Variants in DENND11 observed in about 807,000 individuals in gnomAD.
DENND11 encodes DENN domain-containing protein 11.
In DENND11, 34 loss-of-function variants were observed where a neutral mutation model predicts 49.2. That is an observed-to-expected ratio of 0.69 (90% CI 0.53 to 0.92). The LOEUF (loss-of-function observed/expected upper bound fraction) is 0.92. Ranked by LOEUF, DENND11 falls within the 40% of genes least tolerant of loss-of-function variation. DENND11 has a pLI of 0.00. For missense variants in DENND11, 475 were observed against 581.6 expected, an observed-to-expected ratio of 0.82 and a Z score of 1.88; for synonymous variants, 238 against 230.3, an observed-to-expected ratio of 1.03 and a Z score of -0.30.
intron 1 of DENND11, among the ~76,000 whole-genome samples, chr7:141,699,234 G>C (rs879893982): frequency 6.6e-6 from 1 of 152,048 alleles, no homozygotes; most frequent in African/African-American, 2.4e-5. Context: ...AGCAGTAAAG[G>C]GGGGAAGATG....
At position 141,664,969 on chromosome 7, in the gene DENND11, G is replaced by T; in HGVS notation, c.1038C>A (p.His346Gln). The T allele has an allele frequency of 6.2e-7, 1 of 1,613,796 alleles. No homozygotes were observed. The highest frequency in any genetic ancestry group is 8.5e-7 in the Non-Finnish European group (1 of 1,179,832). The change falls in exon 7 of 9, where the codon CAC (histidine) becomes CAA (glutamine). Residue 346 changes from histidine (H) to glutamine (Q), a missense_variant. Physicochemically the swap from His to Gln is conservative, Grantham distance 24. Transcript: ENST00000536163. ...DNQNVKTHHD[H>Q]LQPLLKINSA... is the part of the protein sequence containing the mutation. ...TGTTGATCTTCAGCAGCGGCTGCAG[G>T]TGGTCGTGGTGTGTCTTCACATTCT...
intron 5 of DENND11, among the ~76,000 whole-genome samples, chr7:141,665,530 A>G (rs571691854): frequency 6.6e-6 from 1 of 152,164 alleles, no homozygotes; most frequent in East Asian, 1.9e-4. Flanking sequence ...GTGCTTCCCA[A>G]ACCCAATAAA....
At chr7:141,677,144 G>C (rs1365777601) in intron 3 of DENND11, among the ~76,000 whole-genome samples, 1 of 152,074 alleles carries the variant, frequency 6.6e-6, no homozygotes, top group East Asian at 1.9e-4. Context: ...GGTCTGAACA[G>C]GCCGGGCGTG....
At chr7:141,662,890 G>T (rs1179338533) in intron 8 of DENND11, 39 bp from the exon 9 acceptor site, 27 of 1,449,370 alleles carry the variant, frequency 1.9e-5, no homozygotes, top group Non-Finnish European at 2.4e-5. Context: ...GGAAGCGGGG[G>T]GGAATAAAAA....
chr7:141,699,645 C>G (rs1430780712), intron 1 of DENND11, among the ~76,000 whole-genome samples: 1 of 152,150 alleles, frequency 6.6e-6, no homozygotes, highest in African/African-American at 2.4e-5. Context: ...AAGTAAGGAT[C>G]AGGTGCCAGG....
chr7:141,698,144 G>T (rs1036772804), intron 1 of DENND11, among the ~76,000 whole-genome samples: 1 of 152,314 alleles, frequency 6.6e-6, no homozygotes, highest in Admixed American at 6.5e-5. Flanking sequence ...TCCAGACATT[G>T]TATGTTCAAA....
At chr7:141,673,932 C>A in intron 4 of DENND11, 135 bp downstream of exon 4, 7 of 1,094,936 alleles carry the variant, frequency 6.4e-6, no homozygotes, top group Non-Finnish European at 9.0e-6. Flanking sequence ...GCTTATGTTG[C>A]AACTCTGTTC....
chr7:141,666,883 G>GC (rs1209227810), intron 4 of DENND11, among the ~76,000 whole-genome samples: 4 of 152,122 alleles, frequency 2.6e-5, no homozygotes, highest in Non-Finnish European at 4.4e-5. Context: ...GTAGGAAGGA[G>GC]CCCCTGGCAT....
chr7:141,668,138 T>C (rs1308094594), intron 4 of DENND11, among the ~76,000 whole-genome samples: 1 of 152,210 alleles, frequency 6.6e-6, no homozygotes, highest in African/African-American at 2.4e-5. Flanking sequence ...GTATATTTTA[T>C]AGGCTAGTGG....
intron 1 of DENND11, among the ~76,000 whole-genome samples, chr7:141,689,205 A>G (rs1798288270): frequency 6.6e-6 from 1 of 152,222 alleles, no homozygotes; most frequent in East Asian, 1.9e-4. Flanking sequence ...ATCAACCCAA[A>G]TGCCTATCAA....
At chr7:141,694,787 C>A (rs886210267) in intron 1 of DENND11, among the ~76,000 whole-genome samples, 4 of 152,170 alleles carry the variant, frequency 2.6e-5, no homozygotes, top group Admixed American at 2.6e-4. Flanking sequence ...GAAAACTACA[C>A]CCAGCTGAAT....
At chr7:141,699,916 TCACACACACACA>T (rs145606748) in intron 1 of DENND11, among the ~76,000 whole-genome samples, 1 of 146,892 alleles carries the variant, frequency 6.8e-6, no homozygotes, top group East Asian at 2.0e-4. Flanking sequence ...AAACCATCAC[TCACACACACACA>T]CACACACACA....
intron 3 of DENND11, among the ~76,000 whole-genome samples, chr7:141,678,558 T>TG (rs1798103001): frequency 6.6e-6 from 1 of 152,222 alleles, no homozygotes; most frequent in Non-Finnish European, 1.5e-5. Context: ...GCTTCAATAA[T>TG]ATTTGATCCA....
chr7:141,680,158 C>T (rs575322306), intron 3 of DENND11, among the ~76,000 whole-genome samples: 1 of 152,240 alleles, frequency 6.6e-6, no homozygotes, highest in Admixed American at 6.5e-5. Context: ...AACCAAATGT[C>T]TATTAATAAT....
chr7:141,664,182 G>C lies in DENND11; in HGVS notation c.1162C>G (p.Leu388Val), dbSNP rs1797849611. The change falls in exon 8 of 9, where the codon CTC becomes GTC. Residue 388 changes from leucine (L) to valine (V), a missense_variant. Transcript: ENST00000536163. ...EEDYNPCEED[L>V]FVLFFLEQNN... Reference sequence around the variant, plus strand: ...GGCCCCAGGACTCACAGCACGAAGAGGTCCTCTTCACAAGGGTTGTAGTCT... The same window carrying C: ...GGCCCCAGGACTCACAGCACGAAGACGTCCTCTTCACAAGGGTTGTAGTCT... The C allele has an allele frequency of 6.3e-7, 1 of 1,581,318 alleles. No individual in the cohort carries two copies. The highest frequency in any genetic ancestry group is 1.8e-5 in the Admixed American group (1 of 55,950).
chr7:141,685,352 C>T (rs1584721488), intron 3 of DENND11, 126 bp downstream of exon 3: 4 of 1,209,614 alleles, frequency 3.3e-6, no homozygotes, highest in Non-Finnish European at 3.5e-6. Flanking sequence ...CGTGAAACAT[C>T]GCCATGGATG....
intron 1 of DENND11, among the ~76,000 whole-genome samples, chr7:141,689,189 C>T (rs1179416402): frequency 2.0e-5 from 3 of 152,152 alleles, no homozygotes; most frequent in Non-Finnish European, 4.4e-5. Flanking sequence ...ATAGCAAAGA[C>T]ATGGAATCAA....
At chr7:141,696,357 G>A (rs894083499) in intron 1 of DENND11, among the ~76,000 whole-genome samples, 7 of 152,218 alleles carry the variant, frequency 4.6e-5, no homozygotes, top group Non-Finnish European at 8.8e-5. Context: ...GACATTAACT[G>A]CAGTAACTGC....
At chr7:141,697,931 T>G (rs1798442369) in intron 1 of DENND11, among the ~76,000 whole-genome samples, 1 of 152,180 alleles carries the variant, frequency 6.6e-6, no homozygotes, top group South Asian at 2.1e-4. Flanking sequence ...TAGAAATTCA[T>G]TCCCAAGAAG....
Sources: allele counts gnomAD v4.1 joint callset (sites outside exome capture counted in the v4.1 genomes callset), GRCh38; gene constraint gnomAD v4.1.1; transcripts MANE v1.5; gene names NCBI Gene and HGNC (gene_info 2026-07-23, HGNC 2026-07-21).